ZNF496: variants seen among roughly 807,000 people sequenced by gnomAD.
The protein encoded by ZNF496 is zinc finger protein 496.
In ZNF496, 11 loss-of-function variants were observed where a neutral mutation model predicts 58.9. The ratio of observed to expected loss-of-function variants is 0.19; its 90% confidence interval spans 0.12 to 0.31. The LOEUF is 0.31. ZNF496 is among the 10% of genes least tolerant of loss of function. ZNF496 has a pLI of 1.00. For missense variants in ZNF496, 660 were observed against 783.0 expected, an observed-to-expected ratio of 0.84 and a Z score of 1.88; for synonymous variants, 338 against 318.2, an observed-to-expected ratio of 1.06 and a Z score of -0.66.
chr1:247,320,565 CATT>C (rs1454225792), intron 6 of ZNF496, among the ~76,000 whole-genome samples: 7 of 152,126 alleles, frequency 4.6e-5, no homozygotes, highest in African/African-American at 1.7e-4. Context: ...TTGCATGTAT[CATT>C]GTCAATACCC....
chr1:247,303,390 A>G (rs1659307516), intron 9 of ZNF496, among the ~76,000 whole-genome samples: 1 of 152,276 alleles, frequency 6.6e-6, no homozygotes, highest in Admixed American at 6.5e-5. Context: ...AGACTAACAT[A>G]GACTTTGGCA....
At chr1:247,316,471 T>A (rs1659784921) in intron 6 of ZNF496, among the ~76,000 whole-genome samples, 1 of 151,902 alleles carries the variant, frequency 6.6e-6, no homozygotes, top group Non-Finnish European at 1.5e-5. Flanking sequence ...GGTGGCTTTG[T>A]AAGCAGAGGA....
At chr1:247,317,964 T>A (rs1367938044) in intron 6 of ZNF496, among the ~76,000 whole-genome samples, 6 of 152,114 alleles carry the variant, frequency 3.9e-5, no homozygotes, top group Admixed American at 2.6e-4. Context: ...TGAACAATTA[T>A]AAGCACACTC....
At chr1:247,328,910 C>G in intron 4 of ZNF496, 44 bp from the exon 5 acceptor site, 1 of 1,545,344 alleles carries the variant, frequency 6.5e-7, no homozygotes, top group Non-Finnish European at 8.7e-7. Context: ...GGAAGAGGTC[C>G]CATCTCTCCC....
At position 247,308,588 on chromosome 1, in the gene ZNF496, T is replaced by C; in HGVS notation, c.893A>G (p.Asp298Gly). 1 of 1,613,790 alleles carries C rather than the reference T, an allele frequency of 6.2e-7. No individual in the cohort carries two copies. Among genetic ancestry groups the C allele is most frequent in the Non-Finnish European group, 8.5e-7 (1 of 1,179,762 alleles). Reference protein sequence around the residue: ...GKEVPQVSYLDSPSLQPFQVE... With the variant: ...GKEVPQVSYLGSPSLQPFQVE... ...CTGGAATGGCTGGAGACTTGGAGAG[T>C]CTTTCCAGAGGAGGAAATGGAAAAA... The change falls in exon 9 of 10, where the codon GAC becomes GGC. Residue 298 changes from aspartate to glycine, a missense_variant and splice_region_variant. By Grantham distance (94) the Asp-to-Gly change is moderately conservative. Coordinates refer to ENST00000682384, the MANE Select transcript of ZNF496 (RefSeq NM_032752.3). This position sits in a 1 kb window ranked among gnomAD's most constrained non-coding sequence, Gnocchi z 4.5.
At chr1:247,328,909 C>A (rs969459870) in intron 4 of ZNF496, 43 bp from the exon 5 acceptor site, 1 of 1,544,362 alleles carries the variant, frequency 6.5e-7, no homozygotes, top group Non-Finnish European at 8.7e-7. Flanking sequence ...GGGAAGAGGT[C>A]CCATCTCTCC....
chr1:247,304,808 C>A (rs1460452999), intron 9 of ZNF496, among the ~76,000 whole-genome samples: 1 of 152,178 alleles, frequency 6.6e-6, no homozygotes, highest in Non-Finnish European at 1.5e-5. Context: ...CATCTGGTTT[C>A]ACAGTTCATA....
intron 6 of ZNF496, among the ~76,000 whole-genome samples, chr1:247,317,701 A>T (rs947038913): frequency 6.6e-6 from 1 of 152,252 alleles, no homozygotes; most frequent in African/African-American, 2.4e-5. Flanking sequence ...TCACCAGGTA[A>T]TAACAAGTGG....
At chr1:247,321,783 A>C (rs1168517991) in intron 6 of ZNF496, among the ~76,000 whole-genome samples, 3 of 152,262 alleles carry the variant, frequency 2.0e-5, no homozygotes, top group African/African-American at 7.2e-5. Context: ...AAATGTCCAA[A>C]TTTTAATAAG....
At chr1:247,317,256 T>C (rs1659810938) in intron 6 of ZNF496, among the ~76,000 whole-genome samples, 2 of 152,116 alleles carry the variant, frequency 1.3e-5, no homozygotes, top group African/African-American at 4.8e-5. Flanking sequence ...TTCTACCACA[T>C]ATTCCCCTGA....
intron 6 of ZNF496, among the ~76,000 whole-genome samples, 193 bp downstream of exon 6, chr1:247,322,961 C>T (rs995723680): frequency 3.3e-5 from 5 of 152,128 alleles, no homozygotes; most frequent in South Asian, 2.1e-4. Flanking sequence ...ACCCAGTGGG[C>T]GGCTGGGACC....
chr1:247,310,191 T>C, intron 7 of ZNF496, 133 bp downstream of exon 7: 2 of 1,493,050 alleles, frequency 1.3e-6, no homozygotes, highest in South Asian at 2.7e-5. Flanking sequence ...CTGTCCAGGT[T>C]GGGGGTGAAC....
intron 6 of ZNF496, chr1:247,312,618 T>C (rs1221229839): frequency 6.6e-6 from 1 of 151,444 alleles, no homozygotes; most frequent in Non-Finnish European, 1.5e-5. Context: ...ATACAAAAAT[T>C]AGCCAGGTGT....
In ZNF496 at chr1:247,329,660, G is replaced by A; in HGVS notation, c.-37-45C>T. The A allele has an allele frequency of 2.0e-6, 3 of 1,490,702 alleles. No homozygotes were observed. Among genetic ancestry groups the A allele is most frequent in the Middle Eastern group, 2.5e-4 (1 of 3,922 alleles). The allele number at this position is 1,490,702 out of a possible 1,614,324, so 92.3% of individuals were successfully genotyped here. A position where few individuals can be genotyped will look rare whatever the true frequency, so the allele number is the denominator to read the frequency against. The stretch of plus-strand genomic sequence containing the variant: ...ACTGGCTTCAGTGTTCTGGTCTCCT[G>A]TGGTCATTTCTGGGGGACAGTGACA... On this transcript the variant is annotated intron_variant, in intron 3 of 9. Transcript: ENST00000682384. This position sits in a 1 kb window ranked among gnomAD's most constrained non-coding sequence, Gnocchi z 5.5.
chr1:247,328,765 C>G lies in ZNF496; in HGVS notation c.492G>C (p.Lys164Asn). The G allele has an allele frequency of 6.2e-7, 1 of 1,613,852 alleles. No individual in the cohort carries two copies. Among genetic ancestry groups the G allele is most frequent in the Non-Finnish European group, 8.5e-7 (1 of 1,179,918 alleles). Residue 164 changes from lysine to asparagine, a missense_variant, in exon 5 of 10, where the codon AAG (lysine) becomes AAC (asparagine). Physicochemically the swap from Lys to Asn is moderately conservative, Grantham distance 94. Coordinates refer to ENST00000682384, the MANE Select transcript of ZNF496 (RefSeq NM_032752.3). ...LPVEPHSDLAKNQDAQPITLA... is the reference protein window; with the variant it reads ...LPVEPHSDLANNQDAQPITLA... ...GGGTTATGGGCTGGGCATCCTGGTT[C>G]TTTGCAAGGTCGCTGTGGGGCTCTA...
chr1:247,316,502 G>A (rs904081816), intron 6 of ZNF496, among the ~76,000 whole-genome samples: 27 of 152,106 alleles, frequency 1.8e-4, no homozygotes, highest in African/African-American at 4.1e-4. Context: ...GAGCAAGCGC[G>A]TCAGGACACT....
At chr1:247,330,719 G>A (rs1033751707) in intron 2 of ZNF496, among the ~76,000 whole-genome samples, 1 of 152,228 alleles carries the variant, frequency 6.6e-6, no homozygotes, top group South Asian at 2.1e-4. Flanking sequence ...CCTTAGGACC[G>A]GCAGTGCCTG....
intron 5 of ZNF496, 147 bp from the exon 6 acceptor site, chr1:247,323,377 G>A (rs558398729): frequency 3.6e-4 from 205 of 575,182 alleles, no homozygotes; most frequent in Middle Eastern, 1.2e-3. Context: ...GTTTCATGGT[G>A]CTTTTCATAA....
chr1:247,318,695 T>C (rs994443407), intron 6 of ZNF496, among the ~76,000 whole-genome samples: 2 of 152,188 alleles, frequency 1.3e-5, no homozygotes, highest in African/African-American at 2.4e-5. Context: ...GGAAAAAATA[T>C]GTAAGTCTAT....
Sources: gnomAD v4.1 joint callset for allele counts (sites outside exome capture counted in the v4.1 genomes callset) on GRCh38, gnomAD v4.1.1 for gene constraint, Gnocchi (gnomAD v3.1) non-coding constraint, MANE v1.5 for transcripts, NCBI Gene and HGNC (gene_info 2026-07-23, HGNC 2026-07-21) for gene names.